The following ARAP2 variants were observed in gnomAD, a reference collection of about 807,000 sequenced individuals.
ARAP2 encodes arf-GAP with Rho-GAP domain, ANK repeat and PH domain-containing protein 2.
In ARAP2, 148 loss-of-function variants were observed where a neutral mutation model predicts 194.5. That is an observed-to-expected ratio of 0.76 (90% CI 0.67 to 0.87). ARAP2 has a LOEUF of 0.87. Among genes scored for constraint, ARAP2 ranks in the 40% least tolerant of loss-of-function variants. The probability of loss-of-function intolerance (pLI) is 0.00; values close to 1 mark genes in which losing one functional copy is unlikely to be tolerated. For missense variants in ARAP2, 2,128 were observed against 1,989.7 expected, an observed-to-expected ratio of 1.07 and a Z score of -1.32; for synonymous variants, 695 against 683.5, an observed-to-expected ratio of 1.02 and a Z score of -0.26.
intron 1 of ARAP2, among the ~76,000 whole-genome samples, chr4:36,240,720 A>G (rs1361581658): frequency 6.6e-6 from 1 of 152,206 alleles, no homozygotes; most frequent in African/African-American, 2.4e-5. Context: ...TTAGCTGAAA[A>G]TAGGTAGGCT....
At chr4:36,103,915 G>A (rs183565596) in intron 27 of ARAP2, among the ~76,000 whole-genome samples, 24 of 151,818 alleles carry the variant, frequency 1.6e-4, no homozygotes, top group African/African-American at 4.3e-4. Flanking sequence ...TAACATTCTC[G>A]CGTTAAAAGG....
chr4:36,131,194 G>A (rs2109602162), intron 20 of ARAP2, among the ~76,000 whole-genome samples: 1 of 151,662 alleles, frequency 6.6e-6, no homozygotes, highest in South Asian at 2.1e-4. Flanking sequence ...TATGCTGGCA[G>A]CATTGAGGTT....
At chr4:36,071,286 T>C (rs1726807517) in intron 32 of ARAP2, among the ~76,000 whole-genome samples, 1 of 152,198 alleles carries the variant, frequency 6.6e-6, no homozygotes, top group South Asian at 2.1e-4. Context: ...TAATCCCACA[T>C]GCTTACAGAT....
chr4:36,077,262 A>G (rs557793046), intron 31 of ARAP2, among the ~76,000 whole-genome samples: 1 of 152,172 alleles, frequency 6.6e-6, no homozygotes, highest in South Asian at 2.1e-4. Flanking sequence ...TTACCCATAC[A>G]CTATGTAAAC....
At chr4:36,128,416 C>T (rs1175387689) in intron 21 of ARAP2, 117 bp downstream of exon 21, 1 of 723,084 alleles carries the variant, frequency 1.4e-6, no homozygotes, top group East Asian at 2.8e-5. Context: ...AAAATTTCAG[C>T]TTATCAAAGA....
chr4:36,102,765 CA>C (rs1397943666), intron 27 of ARAP2, among the ~76,000 whole-genome samples: 1 of 151,756 alleles, frequency 6.6e-6, no homozygotes, highest in East Asian at 1.9e-4. Context: ...CAATGTTTAA[CA>C]AAACTCTTAC....
chr4:36,092,992 C>T (rs577657241), intron 27 of ARAP2, among the ~76,000 whole-genome samples: 63 of 152,092 alleles, frequency 4.1e-4, no homozygotes, highest in African/African-American at 1.4e-3. Context: ...AAAGAAAATA[C>T]GGTACATTTA....
intron 6 of ARAP2, among the ~76,000 whole-genome samples, chr4:36,202,829 AC>A (rs1235202453): frequency 6.6e-6 from 1 of 152,236 alleles, no homozygotes; most frequent in Non-Finnish European, 1.5e-5. Context: ...GCAAATCAAC[AC>A]TGACCAGAGA....
chr4:36,201,793 GT>G (rs936786885), intron 6 of ARAP2, among the ~76,000 whole-genome samples: 59 of 148,378 alleles, frequency 4.0e-4, no homozygotes, highest in Middle Eastern at 3.4e-3. Context: ...TGCCAGCAGA[GT>G]TTTTTTTTTC....
At position 36,167,598 on chromosome 4, in the gene ARAP2, T is replaced by A. The variant is rs148966594; in HGVS notation, c.1858-551A>T. Among the ~76,000 whole-genome samples, 318 of 152,308 alleles carry A rather than the reference T, an allele frequency of 2.1e-3. 1 individual carries two copies. The highest frequency in any genetic ancestry group is 5.2e-3 in the Admixed American group (80 of 15,304). On this transcript the variant is annotated intron_variant, in intron 9 of 32. Transcript: ENST00000303965. ...GTTTATCATTATTTTTCCCCTCATT[T>A]ACTCTCCAACAAAAGCATTACTTGT...
chr4:36,236,310 T>A (rs1752442941), intron 1 of ARAP2, among the ~76,000 whole-genome samples: 1 of 151,898 alleles, frequency 6.6e-6, no homozygotes, highest in African/African-American at 2.4e-5. Context: ...TTGTCATAAA[T>A]CCCCTAGTTG....
At chr4:36,017,138 A>T (rs987535919) in intron 6 of ARAP2, among the ~76,000 whole-genome samples, 3 of 151,730 alleles carry the variant, frequency 2.0e-5, no homozygotes, top group Admixed American at 6.6e-5. Context: ...CATAATTTTC[A>T]TGAAACTCAT....
chr4:36,088,362 C>T (rs1712508701), intron 28 of ARAP2, among the ~76,000 whole-genome samples: 1 of 152,074 alleles, frequency 6.6e-6, no homozygotes, highest in Non-Finnish European at 1.5e-5. Context: ...GCTGTGAAGT[C>T]TAGCCTGTAT....
rs1430296918 is a variant in ARAP2 at position 36,018,033 on chromosome 4, T to C, written n.750+1111A>G. On this transcript the variant is annotated intron_variant and non_coding_transcript_variant, in intron 6 of 12. Transcript: ENST00000503225. ...TGTGTTGAATGTATTTACTGTACTT[T>C]TATGACATATGAAATGTATACAATT... Among the ~76,000 whole-genome samples, 4 of 152,334 alleles carry C rather than the reference T, an allele frequency of 2.6e-5. No homozygotes were observed. In the East Asian group the frequency reaches 7.7e-4, roughly 29 times the overall value.
At position 36,159,412 on chromosome 4, in the gene ARAP2, C is replaced by A. The variant is rs150304991; in HGVS notation, c.2536G>T (p.Val846Leu). The part of the protein sequence containing the change: ...ADVMCATGDP[V>L]HSTPYLLAKK... ...GCTAGCAGATAGGGGGTGCTATGCA[C>A]GGGGTCTCCGGTGGCACACATGACA... is the stretch of plus-strand genomic sequence containing the variant. The change falls in exon 14 of 33, where the codon GTG (valine) becomes TTG (leucine). Residue 846 changes from valine (V) to leucine (L), a missense_variant. Transcript: ENST00000303965. The A allele has an allele frequency of 5.7e-5, 92 of 1,611,676 alleles. No individual in the cohort carries two copies. The highest frequency in any genetic ancestry group is 7.2e-5 in the Non-Finnish European group (85 of 1,178,478).
At chr4:36,056,430 T>A (rs1723523569) in intron 2 of ARAP2, among the ~76,000 whole-genome samples, 1 of 152,244 alleles carries the variant, frequency 6.6e-6, no homozygotes, top group African/African-American at 2.4e-5. Flanking sequence ...TGAAGTAATG[T>A]TTCCTGCCTT....
At chr4:36,050,722 T>G (rs1267109441) in intron 3 of ARAP2, among the ~76,000 whole-genome samples, 1 of 152,252 alleles carries the variant, frequency 6.6e-6, no homozygotes, top group Non-Finnish European at 1.5e-5. Context: ...ATTTGAAATA[T>G]AGGTACTTTC....
At chr4:36,171,916 C>T (rs1029791921) in intron 9 of ARAP2, among the ~76,000 whole-genome samples, 17 of 151,632 alleles carry the variant, frequency 1.1e-4, no homozygotes, top group Admixed American at 1.1e-3. Context: ...ATAAATTGCC[C>T]ATTAACTACA....
chr4:36,149,299 A>G (rs1178332184), intron 16 of ARAP2, among the ~76,000 whole-genome samples: 1 of 140,444 alleles, frequency 7.1e-6, no homozygotes. Flanking sequence ...TCCCCTTAAC[A>G]TCAACTCTTG....
Sources: allele counts gnomAD v4.1 joint callset (sites outside exome capture counted in the v4.1 genomes callset), GRCh38; gene constraint gnomAD v4.1.1; transcripts MANE v1.5; gene names NCBI Gene and HGNC (gene_info 2026-07-23, HGNC 2026-07-21).